The following SYT1 variants were observed in gnomAD, a reference collection of about 807,000 sequenced individuals.
SYT1 encodes synaptotagmin-1.
In SYT1, 8 loss-of-function variants were observed where a neutral mutation model predicts 44.8. That is an observed-to-expected ratio of 0.18 (90% CI 0.10 to 0.32). The LOEUF is 0.32. Among genes scored for constraint, SYT1 ranks in the 10% least tolerant of loss-of-function variants. The pLI, the probability that SYT1 is intolerant of heterozygous loss-of-function variation, is 1.00. For missense variants in SYT1, 286 were observed against 509.3 expected (o/e 0.56, Z 4.22); for synonymous variants, 154 against 188.8 (o/e 0.82, Z 1.51).
intron 9 of SYT1, among the ~76,000 whole-genome samples, chr12:79,380,921 C>T (rs1884192678): frequency 6.6e-6 from 1 of 152,164 alleles, no homozygotes; most frequent in Admixed American, 6.5e-5. Flanking sequence ...AGGAGTGTAA[C>T]CTGTGTCCTA....
intron 8 of SYT1, among the ~76,000 whole-genome samples, chr12:79,340,874 C>G (rs1335031362): frequency 2.6e-5 from 4 of 152,164 alleles, no homozygotes; most frequent in Non-Finnish European, 5.9e-5. Context: ...TTGGAATTCA[C>G]TTTTCCCTAC....
intron 3 of SYT1, among the ~76,000 whole-genome samples, chr12:79,070,922 A>G (rs1041654062): frequency 2.0e-5 from 3 of 152,176 alleles, no homozygotes; most frequent in Admixed American, 6.6e-5. Context: ...TTTTGTTTCA[A>G]TTAGCCAAAA....
chr12:78,931,232 AAAGAAAGAAGGAAGGAAGGAAGG>A (rs1877661261), intron 1 of SYT1, among the ~76,000 whole-genome samples: 1 of 63,208 alleles, frequency 1.6e-5, no homozygotes, highest in African/African-American at 9.1e-5. Flanking sequence ...AGAAAGAAAG[AAAGAAAGAAGGAAGGAAGGAAGG>A]AAGGAAGGAA....
intron 2 of SYT1, among the ~76,000 whole-genome samples, chr12:79,032,810 C>T (rs185982857): frequency 6.6e-6 from 1 of 151,222 alleles, no homozygotes; most frequent in Non-Finnish European, 1.5e-5. Context: ...CAAACTTAAA[C>T]CATAACAAGA....
intron 8 of SYT1, among the ~76,000 whole-genome samples, chr12:79,307,011 T>C (rs778239307): frequency 1.4e-4 from 21 of 152,224 alleles, no homozygotes; most frequent in Non-Finnish European, 2.5e-4. Flanking sequence ...ATCTTTTCTC[T>C]TGAGTTCATC....
At position 79,036,819 on chromosome 12, in the gene SYT1, G is replaced by A. The variant is rs75424943; in HGVS notation, c.-83-10478G>A. On this transcript the variant is annotated intron_variant, in intron 2 of 10. Coordinates refer to ENST00000261205, the MANE Select transcript of SYT1 (RefSeq NM_005639.3). ...TATCAGGCTATTCTCTTTCACGAGA[G>A]TGTTCACAATGGCCCATTTTAATAA... Among the ~76,000 whole-genome samples the A allele has an allele frequency of 6.2e-3, 940 of 151,738 alleles. 11 individuals carry two copies. Among genetic ancestry groups the A allele is most frequent in the African/African-American group, 0.022 (908 of 41,426 alleles).
At chr12:79,184,591 C>A (rs1872709395) in intron 3 of SYT1, among the ~76,000 whole-genome samples, 1 of 151,884 alleles carries the variant, frequency 6.6e-6, no homozygotes, top group Admixed American at 6.6e-5. Flanking sequence ...CTGTTGTCAC[C>A]AACAGATAAT....
intron 3 of SYT1, among the ~76,000 whole-genome samples, chr12:79,134,117 T>C (rs1869030631): frequency 6.6e-6 from 1 of 152,228 alleles, no homozygotes; most frequent in Non-Finnish European, 1.5e-5. Flanking sequence ...TGTTACTGGG[T>C]GTCAAACCAA....
At position 79,449,736 on chromosome 12, in the gene SYT1, A is replaced by G. The variant is rs1870940763; in HGVS notation, c.*612A>G. 4.6e-5 allele frequency: 7 copies of G among 152,450 alleles called. No individual in the cohort carries two copies. Among genetic ancestry groups the G allele is most frequent in the Admixed American group, 4.6e-4 (7 of 15,288 alleles). The allele number at this position is 152,450 out of a possible 1,614,324, so 9.4% of individuals were successfully genotyped here. A position where few individuals can be genotyped will look rare whatever the true frequency, so the allele number is the denominator to read the frequency against. ...AATTTTGTAGAATTCCTACACAGGC[A>G]AAATAGCATGATCTGAGCAGCAGCA... On this transcript the variant is annotated 3_prime_UTR_variant, in exon 11 of 11. Coordinates refer to ENST00000261205, the MANE Select transcript of SYT1 (RefSeq NM_005639.3).
chr12:79,078,329 A>T (rs946607564), intron 3 of SYT1, among the ~76,000 whole-genome samples: 1 of 152,132 alleles, frequency 6.6e-6, no homozygotes, highest in African/African-American at 2.4e-5. Flanking sequence ...ATAGTTAAGA[A>T]TATCAGTGTC....
At chr12:79,301,316 G>C (rs1234523627) in intron 8 of SYT1, among the ~76,000 whole-genome samples, 1 of 152,020 alleles carries the variant, frequency 6.6e-6, no homozygotes, top group African/African-American at 2.4e-5. Context: ...ACACCCAGTG[G>C]GTTTCTGAAA....
intron 9 of SYT1, among the ~76,000 whole-genome samples, chr12:79,402,203 T>C (rs1206150944): frequency 2.6e-5 from 4 of 152,088 alleles, no homozygotes; most frequent in Non-Finnish European, 5.9e-5. Flanking sequence ...GTAAAAAGTT[T>C]CCATAATGCT....
At chr12:79,189,011 C>A (rs1357384511) in intron 3 of SYT1, among the ~76,000 whole-genome samples, 1 of 151,972 alleles carries the variant, frequency 6.6e-6, no homozygotes, top group Non-Finnish European at 1.5e-5. Context: ...CTCAGTCAGG[C>A]TTCTAACTTC....
intron 1 of SYT1, among the ~76,000 whole-genome samples, chr12:78,872,136 CTGA>C (rs1873853359): frequency 6.6e-6 from 1 of 151,810 alleles, no homozygotes; most frequent in Admixed American, 6.6e-5. Context: ...ACATCTGAGC[CTGA>C]TAATTCAAAA....
chr12:78,958,917 ATATTCT>A (rs1196181197), intron 1 of SYT1, among the ~76,000 whole-genome samples: 8 of 152,158 alleles, frequency 5.3e-5, no homozygotes, highest in African/African-American at 1.7e-4. Flanking sequence ...TCCTACATAA[ATATTCT>A]TATAATATGC....
At chr12:79,326,467 C>A (rs1881611034) in intron 8 of SYT1, among the ~76,000 whole-genome samples, 1 of 152,206 alleles carries the variant, frequency 6.6e-6, no homozygotes, top group Non-Finnish European at 1.5e-5. Flanking sequence ...TTTGTCAGTG[C>A]AGGCAAAGAG....
At chr12:79,113,869 T>C (rs2138101604) in intron 3 of SYT1, among the ~76,000 whole-genome samples, 2 of 152,290 alleles carry the variant, frequency 1.3e-5, no homozygotes, top group Middle Eastern at 3.4e-3. Context: ...AGGATTTTCA[T>C]AGTCCTATCT....
chr12:79,088,719 G>A (rs1356082539), intron 3 of SYT1, among the ~76,000 whole-genome samples: 1 of 150,756 alleles, frequency 6.6e-6, no homozygotes, highest in East Asian at 2.0e-4. Context: ...AGGTTATTCA[G>A]ATCACAGTGG....
chr12:79,408,273 C>T lies in SYT1; in HGVS notation c.929-35800C>T, dbSNP rs546269179. ...AATATGCCCAAGATCCCAGACCTTGCTGAATTTCACAACTATTGAAGAATT... is the reference window on the plus strand; with the variant it reads ...AATATGCCCAAGATCCCAGACCTTGTTGAATTTCACAACTATTGAAGAATT... On this transcript the variant is annotated intron_variant, in intron 9 of 10. Transcript: ENST00000261205. 1.5e-4 allele frequency among the ~76,000 whole-genome samples: 23 copies of T among 152,226 alleles called. No homozygotes were observed. In the East Asian group the frequency reaches 4.1e-3, roughly 27 times the overall value.
Sources: gnomAD v4.1 joint callset for allele counts (sites outside exome capture counted in the v4.1 genomes callset) on GRCh38, gnomAD v4.1.1 for gene constraint, MANE v1.5 for transcripts, NCBI Gene and HGNC (gene_info 2026-07-23, HGNC 2026-07-21) for gene names.